PTCHD4: variants seen among roughly 807,000 people sequenced by gnomAD.
The protein encoded by PTCHD4 is patched domain-containing protein 4.
PTCHD4 carries 33 observed loss-of-function variants against 58.1 expected under a neutral mutation model. The ratio of observed to expected loss-of-function variants is 0.57; its 90% CI spans 0.43 to 0.76. The LOEUF is 0.76. Among genes scored for constraint, PTCHD4 ranks in the 30% least tolerant of loss-of-function variants. The pLI is 0.00. For missense variants in PTCHD4, 1,058 were observed against 1,027.1 expected (o/e 1.03, Z -0.41); for synonymous variants, 478 against 409.6 (o/e 1.17, Z -2.02).
chr6:48,006,342 T>C (rs1582007572), intron 4 of PTCHD4, among the ~76,000 whole-genome samples: 1 of 152,246 alleles, frequency 6.6e-6, no homozygotes, highest in African/African-American at 2.4e-5. Flanking sequence ...GAGCCTAGGT[T>C]ACAATCCAGC....
intron 3 of PTCHD4, among the ~76,000 whole-genome samples, chr6:48,024,543 T>C (rs1187181947): frequency 6.6e-6 from 1 of 152,032 alleles, no homozygotes; most frequent in East Asian, 1.9e-4. Context: ...TGGAAAACAA[T>C]TCATTGTGAA....
chr6:47,952,145 T>C (rs1239724562), intron 4 of PTCHD4, among the ~76,000 whole-genome samples: 1 of 151,780 alleles, frequency 6.6e-6, no homozygotes, highest in Non-Finnish European at 1.5e-5. Context: ...ACAACGAAAA[T>C]GAATGGTGGT....
chr6:47,935,292 G>A (rs2113913520), intron 4 of PTCHD4, among the ~76,000 whole-genome samples: 1 of 152,230 alleles, frequency 6.6e-6, no homozygotes, highest in South Asian at 2.1e-4. Context: ...TTAATTTGTG[G>A]CTTTGAATTG....
At chr6:47,884,398 C>T (rs983326737) in intron 4 of PTCHD4, among the ~76,000 whole-genome samples, 2 of 152,132 alleles carry the variant, frequency 1.3e-5, no homozygotes, top group African/African-American at 2.4e-5. Context: ...TTCTCTTTAG[C>T]TTTTTCTAAT....
chr6:47,987,728 A>G (rs1018638587), intron 4 of PTCHD4, among the ~76,000 whole-genome samples: 2 of 152,140 alleles, frequency 1.3e-5, no homozygotes, highest in Non-Finnish European at 2.9e-5. Context: ...ATAGCTTTAG[A>G]ACAATGTCAC....
chr6:47,881,734 G>A (rs1338118108), intron 4 of PTCHD4, among the ~76,000 whole-genome samples: 1 of 152,088 alleles, frequency 6.6e-6, no homozygotes, highest in African/African-American at 2.4e-5. Context: ...GATTTTTAAA[G>A]ACACATTGGC....
chr6:47,895,726 T>C (rs777501558), intron 4 of PTCHD4, among the ~76,000 whole-genome samples: 22 of 151,948 alleles, frequency 1.4e-4, no homozygotes, highest in Non-Finnish European at 3.1e-4. Flanking sequence ...ATATTTAGAG[T>C]TGGAATTCAT....
chr6:47,913,209 A>T (rs1234782482), intron 4 of PTCHD4, among the ~76,000 whole-genome samples: 1 of 152,138 alleles, frequency 6.6e-6, no homozygotes, highest in Non-Finnish European at 1.5e-5. Context: ...ATTCAATAGT[A>T]GTACTAATCT....
At chr6:48,012,813 T>C (rs1414555231) in intron 3 of PTCHD4, among the ~76,000 whole-genome samples, 1 of 152,214 alleles carries the variant, frequency 6.6e-6, no homozygotes, top group Non-Finnish European at 1.5e-5. Context: ...AGACCTTTTC[T>C]GCATCTATTG....
chr6:47,957,836 C>A (rs558823188), intron 4 of PTCHD4, among the ~76,000 whole-genome samples: 1 of 152,060 alleles, frequency 6.6e-6, no homozygotes, highest in South Asian at 2.1e-4. Flanking sequence ...GATCACCTTA[C>A]CTCGTGATCT....
At chr6:48,020,598 A>C (rs1458640064) in intron 3 of PTCHD4, among the ~76,000 whole-genome samples, 2 of 152,124 alleles carry the variant, frequency 1.3e-5, no homozygotes, top group Non-Finnish European at 2.9e-5. Context: ...TGCATGTCGA[A>C]ACCAAGATAA....
intron 3 of PTCHD4, among the ~76,000 whole-genome samples, chr6:48,016,309 G>T (rs1439898347): frequency 6.6e-6 from 1 of 151,970 alleles, no homozygotes; most frequent in African/African-American, 2.4e-5. Flanking sequence ...TTATTAAGGA[G>T]TTGGACTTAA....
intron 4 of PTCHD4, among the ~76,000 whole-genome samples, chr6:47,906,145 T>C (rs1764877483): frequency 6.6e-6 from 1 of 152,216 alleles, no homozygotes. Context: ...CTTACTCAAT[T>C]CAGGTTGGAT....
At chr6:47,911,196 A>G (rs1283860885) in intron 4 of PTCHD4, among the ~76,000 whole-genome samples, 2 of 152,118 alleles carry the variant, frequency 1.3e-5, no homozygotes, top group South Asian at 4.1e-4. Flanking sequence ...GAGACTGGAG[A>G]GCAAGGGGAT....
In PTCHD4 at chr6:47,861,374, T is replaced by A. The variant is rs948933567; in HGVS notation, c.*16929A>T. ...CTGTTTACTTACTAGTATTTATTTC[T>A]TTTGGGTAAAATTATGAGTTTGGGA... On this transcript the variant is annotated 3_prime_UTR_variant, in exon 5 of 5. Transcript: ENST00000339488. Among the ~76,000 whole-genome samples, 5 of 151,984 alleles carry A rather than the reference T, an allele frequency of 3.3e-5. No homozygotes were observed. Among genetic ancestry groups the A allele is most frequent in the Non-Finnish European group, 7.4e-5 (5 of 67,926 alleles).
intron 4 of PTCHD4, among the ~76,000 whole-genome samples, chr6:47,987,276 AG>A (rs1027603479): frequency 1.0e-5 from 1 of 99,954 alleles, no homozygotes; most frequent in Non-Finnish European, 2.0e-5. Flanking sequence ...GGGAAGGGGG[AG>A]GGATAACATT....
chr6:48,100,690 T>C (rs1362550942), intron 1 of PTCHD4, among the ~76,000 whole-genome samples: 1 of 152,230 alleles, frequency 6.6e-6, no homozygotes, highest in African/African-American at 2.4e-5. Flanking sequence ...GAGAGATTAC[T>C]CTGATGCTAT....
chr6:47,975,476 G>A (rs138262176), intron 4 of PTCHD4, among the ~76,000 whole-genome samples: 11 of 152,202 alleles, frequency 7.2e-5, no homozygotes, highest in Admixed American at 7.2e-4. Flanking sequence ...GACAATGTGT[G>A]GCATGGTGGT....
chr6:47,996,851 A>T (rs1055845461), intron 4 of PTCHD4, among the ~76,000 whole-genome samples: 12 of 152,318 alleles, frequency 7.9e-5, no homozygotes, highest in African/African-American at 2.9e-4. Context: ...ATTGATTTAA[A>T]TTTTTTAAAA....
Sources: allele counts gnomAD v4.1 joint callset (sites outside exome capture counted in the v4.1 genomes callset), GRCh38; gene constraint gnomAD v4.1.1; transcripts MANE v1.5; gene names NCBI Gene and HGNC (gene_info 2026-07-23, HGNC 2026-07-21).